ME3: variants seen among roughly 807,000 people sequenced by gnomAD.
The protein encoded by ME3 is NADP-dependent malic enzyme, mitochondrial.
Under a neutral mutation model 68.9 loss-of-function variants are expected in ME3, and 48 were observed. The observed-to-expected ratio is 0.70, with a 90% confidence interval of 0.55 to 0.89. The LOEUF is 0.89. Among genes scored for constraint, ME3 ranks in the 40% least tolerant of loss-of-function variants. The pLI, the probability that ME3 is intolerant of heterozygous loss-of-function variation, is 0.00. For missense variants in ME3, 675 were observed against 797.4 expected (o/e 0.85, Z 1.85); for synonymous variants, 320 against 318.8 (o/e 1.00, Z -0.04).
At chr11:86,641,045 G>T (rs924947496) in intron 2 of ME3, among the ~76,000 whole-genome samples, 21 of 146,844 alleles carry the variant, frequency 1.4e-4, no homozygotes, top group East Asian at 2.1e-4. Flanking sequence ...CTGGGGGGGG[G>T]GGTCAATGAA....
chr11:86,558,825 CTA>C (rs1304077191), intron 3 of ME3, among the ~76,000 whole-genome samples: 2 of 152,184 alleles, frequency 1.3e-5, no homozygotes, highest in Admixed American at 6.5e-5. Flanking sequence ...CATAACAACC[CTA>C]TGAGTTTTCC....
At chr11:86,597,073 C>T (rs1487372356) in intron 2 of ME3, among the ~76,000 whole-genome samples, 3 of 152,234 alleles carry the variant, frequency 2.0e-5, no homozygotes, top group African/African-American at 4.8e-5. Context: ...GGAAATCTGA[C>T]ATAAGGTCAT....
At chr11:86,633,857 A>G (rs1944168530) in intron 2 of ME3, among the ~76,000 whole-genome samples, 1 of 152,158 alleles carries the variant, frequency 6.6e-6, no homozygotes, top group African/African-American at 2.4e-5. Context: ...CCTGGGCTCA[A>G]CGCAGTTAAA....
At chr11:86,529,802 T>C (rs12801189) in intron 4 of ME3, among the ~76,000 whole-genome samples, 51,034 of 151,936 alleles carry the variant, frequency 0.34, 8,896 homozygotes, top group African/African-American at 0.44. Context: ...CAAAATTAAA[T>C]AACCCTTCAT....
intron 2 of ME3, among the ~76,000 whole-genome samples, chr11:86,654,548 C>A (rs548876541): frequency 6.6e-6 from 1 of 152,186 alleles, no homozygotes; most frequent in Admixed American, 6.5e-5. Context: ...ATTCAACAAC[C>A]CTTCATGCTG....
At chr11:86,655,705 A>T (rs1412773809) in intron 2 of ME3, among the ~76,000 whole-genome samples, 1 of 151,838 alleles carries the variant, frequency 6.6e-6, no homozygotes, top group African/African-American at 2.4e-5. Context: ...CTTCATGTCT[A>T]AAACACCAAA....
intron 2 of ME3, among the ~76,000 whole-genome samples, chr11:86,590,543 G>A (rs977816316): frequency 2.0e-5 from 3 of 152,150 alleles, no homozygotes; most frequent in African/African-American, 7.2e-5. Flanking sequence ...GCAGGAGAAG[G>A]GAAGTAGGAC....
At chr11:86,557,462 C>T (rs758384703) in intron 3 of ME3, among the ~76,000 whole-genome samples, 3 of 152,110 alleles carry the variant, frequency 2.0e-5, no homozygotes, top group Non-Finnish European at 2.9e-5. Flanking sequence ...GATGCTCTGG[C>T]ATGAGGTGGG....
intron 2 of ME3, among the ~76,000 whole-genome samples, chr11:86,671,384 A>G (rs1450980485): frequency 6.6e-6 from 1 of 152,180 alleles, no homozygotes; most frequent in Non-Finnish European, 1.5e-5. Flanking sequence ...CATTCCTAAG[A>G]CAATTATATC....
chr11:86,493,166 T>C (rs1329164602), intron 6 of ME3, among the ~76,000 whole-genome samples: 1 of 152,148 alleles, frequency 6.6e-6, no homozygotes, highest in Non-Finnish European at 1.5e-5. Flanking sequence ...CCCAGCTTGG[T>C]TGTCAACTCC....
At chr11:86,617,837 G>A (rs542678916) in intron 2 of ME3, among the ~76,000 whole-genome samples, 14 of 152,274 alleles carry the variant, frequency 9.2e-5, no homozygotes, top group Admixed American at 2.6e-4. Flanking sequence ...CAGCACAGAT[G>A]TGAAACCTGA....
intron 8 of ME3, among the ~76,000 whole-genome samples, chr11:86,451,228 A>G (rs1949617246): frequency 6.6e-6 from 1 of 152,190 alleles, no homozygotes; most frequent in South Asian, 2.1e-4. Context: ...GTTTAGCTGG[A>G]TGATCAGGGA....
chr11:86,597,326 CAATGTG>C (rs1159115218), intron 2 of ME3, among the ~76,000 whole-genome samples: 63 of 152,340 alleles, frequency 4.1e-4, no homozygotes, highest in African/African-American at 1.5e-3. Context: ...TATCCCCGAG[CAATGTG>C]ATAGAGACAG....
At chr11:86,576,776 T>C (rs377719745) in intron 2 of ME3, among the ~76,000 whole-genome samples, 2 of 152,294 alleles carry the variant, frequency 1.3e-5, no homozygotes, top group East Asian at 3.9e-4. Context: ...TTCTTCCTGG[T>C]AGACCAAGAG....
At chr11:86,568,934 TTAAC>T (rs1957630948) in intron 2 of ME3, among the ~76,000 whole-genome samples, 1 of 152,208 alleles carries the variant, frequency 6.6e-6, no homozygotes, top group African/African-American at 2.4e-5. Flanking sequence ...GACATGTGGG[TTAAC>T]ATACAATACC....
At chr11:86,442,532 A>T (rs776394938) in intron 14 of ME3, among the ~76,000 whole-genome samples, 1 of 152,150 alleles carries the variant, frequency 6.6e-6, no homozygotes, top group Non-Finnish European at 1.5e-5. Context: ...GGCGCTTATG[A>T]GTCATTTCTA....
At chr11:86,640,955 C>T (rs963243162) in intron 2 of ME3, among the ~76,000 whole-genome samples, 2 of 151,802 alleles carry the variant, frequency 1.3e-5, no homozygotes, top group African/African-American at 4.8e-5. Context: ...AAGGTGTTCC[C>T]AACTCCCCAG....
chr11:86,587,312 T>C (rs1022759923), intron 2 of ME3, among the ~76,000 whole-genome samples: 19 of 152,328 alleles, frequency 1.2e-4, no homozygotes, highest in Admixed American at 6.5e-4. Context: ...TGAGACCATT[T>C]TCATCAGGCC....
chr11:86,524,033 G>T (rs980043392), intron 4 of ME3, among the ~76,000 whole-genome samples: 2 of 152,170 alleles, frequency 1.3e-5, no homozygotes, highest in African/African-American at 4.8e-5. Flanking sequence ...TACTCCTTCA[G>T]AAATAATAAT....
Sources: gnomAD v4.1 joint callset for allele counts (sites outside exome capture counted in the v4.1 genomes callset) on GRCh38, gnomAD v4.1.1 for gene constraint, MANE v1.5 for transcripts, NCBI Gene and HGNC (gene_info 2026-07-23, HGNC 2026-07-21) for gene names.